The following PPARD variants were observed in gnomAD, a reference collection of about 807,000 sequenced individuals.
PPARD encodes the protein peroxisome proliferator activated receptor delta.
Under a neutral mutation model 39.5 loss-of-function variants are expected in PPARD, and 6 were observed. That is an observed-to-expected ratio of 0.15 (90% CI 0.08 to 0.30). PPARD has a LOEUF of 0.30. PPARD is among the 10% of genes least tolerant of loss of function. The pLI is 1.00. For missense variants in PPARD, 397 were observed against 596.8 expected, an observed-to-expected ratio of 0.67 and a Z score of 3.49; for synonymous variants, 210 against 231.3, an observed-to-expected ratio of 0.91 and a Z score of 0.83.
Position 35,421,852 on chromosome 6 carries a change from G to A in PPARD, c.318G>A (p.Leu106=), listed in dbSNP as rs150226185. ...GFFRRTIRMK[L]EYEKCERSCK... ...TCCGTCGTACGATCCGCATGAAGCT[G>A]GAGTACGAGAAGTGTGAGCGCAGCT... The change falls in exon 5 of 8, where the codon CTG becomes CTA. Residue 106 remains leucine, a synonymous_variant. Transcript: ENST00000360694. 116 of 1,613,764 alleles carry A rather than the reference G, an allele frequency of 7.2e-5. 1 individual carries two copies. The highest frequency in any genetic ancestry group is 9.7e-5 in the Non-Finnish European group (114 of 1,179,862).
intron 2 of PPARD, among the ~76,000 whole-genome samples, chr6:35,380,673 G>A (rs372067126): frequency 2.6e-5 from 4 of 151,656 alleles, no homozygotes; most frequent in East Asian, 1.9e-4. Flanking sequence ...AAATTTTTTC[G>A]TAGAGATTGG....
At chr6:35,375,331 C>T (rs1005388482) in intron 2 of PPARD, among the ~76,000 whole-genome samples, 24 of 149,800 alleles carry the variant, frequency 1.6e-4, no homozygotes, top group Non-Finnish European at 1.5e-4. Flanking sequence ...GATTCTCCTG[C>T]CTCAGCCTCC....
At position 35,398,842 on chromosome 6, in the gene PPARD, G is replaced by A. The variant is rs141220006; in HGVS notation, c.-101-12145G>A. Among the ~76,000 whole-genome samples the A allele has an allele frequency of 2.9e-3, 436 of 152,312 alleles. 13 individuals carry two copies. The East Asian group carries it at 0.067, about 24-fold the overall frequency. On this transcript the variant is annotated intron_variant, in intron 2 of 7. Transcript: ENST00000360694. ...AAGTACAGTGACATTGGCCAGGCGC[G>A]GTGGCTTATGTCTGTAATCCCAGCA... is the stretch of plus-strand genomic sequence containing the variant.
chr6:35,405,740 G>A (rs1007926234), intron 2 of PPARD, among the ~76,000 whole-genome samples: 1 of 151,664 alleles, frequency 6.6e-6, no homozygotes, highest in African/African-American at 2.4e-5. Flanking sequence ...GGCGATTCTC[G>A]TGCCTCAGCC....
At chr6:35,360,687 C>T (rs1043570644) in intron 2 of PPARD, among the ~76,000 whole-genome samples, 3 of 152,226 alleles carry the variant, frequency 2.0e-5, no homozygotes, top group African/African-American at 7.2e-5. Context: ...TTGGTACTTG[C>T]CCTCTCAACA....
intron 2 of PPARD, among the ~76,000 whole-genome samples, chr6:35,360,871 T>C (rs1761891041): frequency 6.6e-6 from 1 of 152,182 alleles, no homozygotes; most frequent in Non-Finnish European, 1.5e-5. Context: ...GCGCTAGAAA[T>C]CAGAAGAGGC....
intron 1 of PPARD, among the ~76,000 whole-genome samples, chr6:35,343,294 TC>T (rs1216658095): frequency 6.6e-6 from 1 of 152,094 alleles, no homozygotes; most frequent in Non-Finnish European, 1.5e-5. Context: ...CCCAGGGTGT[TC>T]CTAGGCTTTT....
intron 2 of PPARD, among the ~76,000 whole-genome samples, chr6:35,399,805 T>C (rs1764582600): frequency 6.6e-6 from 1 of 152,260 alleles, no homozygotes; most frequent in South Asian, 2.1e-4. Context: ...TAAATTCGTA[T>C]TGTATTTTTC....
intron 3 of PPARD, among the ~76,000 whole-genome samples, chr6:35,414,235 G>C (rs1765605376): frequency 6.6e-6 from 1 of 152,040 alleles, no homozygotes; most frequent in Non-Finnish European, 1.5e-5. Context: ...GACAAGTTGG[G>C]GATCCCATTG....
chr6:35,414,125 G>C (rs1765600310), intron 3 of PPARD, among the ~76,000 whole-genome samples: 1 of 152,182 alleles, frequency 6.6e-6, no homozygotes, highest in Non-Finnish European at 1.5e-5. Flanking sequence ...CCCATCTGTG[G>C]GGAACTGGTT....
intron 2 of PPARD, among the ~76,000 whole-genome samples, chr6:35,393,851 T>C (rs1459430760): frequency 6.6e-6 from 1 of 152,310 alleles, no homozygotes; most frequent in East Asian, 1.9e-4. Flanking sequence ...AGCAACCAGC[T>C]AGGCATGCAC....
In PPARD at chr6:35,380,672, C is replaced by T. The variant is rs147795307; in HGVS notation, c.-101-30315C>T. On this transcript the variant is annotated intron_variant, in intron 2 of 7. Coordinates refer to ENST00000360694, the MANE Select transcript of PPARD (RefSeq NM_006238.5). ...CACCCGGCTAATTTTTAAATTTTTT[C>T]GTAGAGATTGGGGGTCTTGTTATGT... is the stretch of plus-strand genomic sequence containing the variant. 7.7e-4 allele frequency among the ~76,000 whole-genome samples: 117 copies of T among 151,762 alleles called. 1 individual carries two copies. Among genetic ancestry groups the T allele is most frequent in the Middle Eastern group, 3.4e-3 (1 of 294 alleles).
chr6:35,399,410 A>G (rs999128959), intron 2 of PPARD, among the ~76,000 whole-genome samples: 1 of 151,390 alleles, frequency 6.6e-6, no homozygotes, highest in Non-Finnish European at 1.5e-5. Flanking sequence ...AAAAAAAAAA[A>G]AAAAAAAAAC....
At chr6:35,421,120 C>T (rs1766130743) in intron 4 of PPARD, among the ~76,000 whole-genome samples, 1 of 151,188 alleles carries the variant, frequency 6.6e-6, no homozygotes, top group South Asian at 2.1e-4. Context: ...AACCACTGTG[C>T]CTGACCCAAT....
At chr6:35,400,169 C>G (rs923762556) in intron 2 of PPARD, among the ~76,000 whole-genome samples, 17 of 152,170 alleles carry the variant, frequency 1.1e-4, no homozygotes, top group African/African-American at 3.6e-4. Context: ...CCTGCCTCCC[C>G]GCTGCAATTG....
chr6:35,355,598 C>CTTTTTTTTTTTTTTTTTTT (rs1166499750), intron 2 of PPARD, among the ~76,000 whole-genome samples: 1 of 33,462 alleles, frequency 3.0e-5, no homozygotes, highest in Non-Finnish European at 4.6e-5. Flanking sequence ...TCTTCTTCTT[C>CTTTTTTTTTTTTTTTTTTT]TTTTTTTTTT....
chr6:35,346,323 C>G (rs1792182119), intron 1 of PPARD, among the ~76,000 whole-genome samples: 1 of 152,184 alleles, frequency 6.6e-6, no homozygotes, highest in Non-Finnish European at 1.5e-5. Context: ...CACAGCTTTA[C>G]TGCTCAGCAT....
At chr6:35,347,604 TTTTG>T (rs768355512) in intron 2 of PPARD, among the ~76,000 whole-genome samples, 15 of 151,392 alleles carry the variant, frequency 9.9e-5, no homozygotes, top group Non-Finnish European at 1.8e-4. Flanking sequence ...TATATATATA[TTTTG>T]TTTGTTTGTT....
chr6:35,412,170 A>G lies in PPARD; in HGVS notation c.130+953A>G, dbSNP rs914307447. On this transcript the variant is annotated intron_variant, in intron 3 of 7. Coordinates refer to ENST00000360694, the MANE Select transcript of PPARD (RefSeq NM_006238.5). This position sits in a 1 kb window ranked among gnomAD's most constrained non-coding sequence, Gnocchi z 4.1. ...GGTCTCGAACCGCTGGGCTCAAGCA[A>G]TCCACCCACCTCAGCCTCCCAAAGT... is the stretch of plus-strand genomic sequence containing the variant. Among the ~76,000 whole-genome samples the G allele has an allele frequency of 1.3e-5, 2 of 152,060 alleles. No homozygotes were observed. Among genetic ancestry groups the G allele is most frequent in the Non-Finnish European group, 2.9e-5 (2 of 68,008 alleles).
Sources: allele counts gnomAD v4.1 joint callset (sites outside exome capture counted in the v4.1 genomes callset), GRCh38; gene constraint gnomAD v4.1.1; non-coding constraint Gnocchi (gnomAD v3.1); transcripts MANE v1.5; gene names NCBI Gene and HGNC (gene_info 2026-07-23, HGNC 2026-07-21).